ZHX3: variants seen among roughly 807,000 people sequenced by gnomAD.
ZHX3 encodes the protein zinc fingers and homeoboxes 3.
Under a neutral mutation model 64.5 loss-of-function variants are expected in ZHX3, and 20 were observed. The ratio of observed to expected loss-of-function variants is 0.31; its 90% CI spans 0.22 to 0.45. ZHX3 has a LOEUF of 0.45. Ranked by LOEUF, ZHX3 falls within the 20% of genes least tolerant of loss-of-function variation. The pLI is 1.00. For synonymous variants in ZHX3, 423 were observed against 461.6 expected (o/e 0.92, Z 1.07); for missense variants, 1,041 against 1,195.8 (o/e 0.87, Z 1.91).
chr20:41,296,598 T>C (rs2044542051), intron 1 of ZHX3, among the ~76,000 whole-genome samples: 1 of 152,202 alleles, frequency 6.6e-6, no homozygotes, highest in African/African-American at 2.4e-5. Context: ...CTGCCCATTC[T>C]AAAACTACAG....
intron 2 of ZHX3, among the ~76,000 whole-genome samples, chr20:41,235,975 T>C (rs1382698690): frequency 2.0e-5 from 3 of 151,894 alleles, no homozygotes; most frequent in Admixed American, 1.3e-4. Flanking sequence ...GATACACCAA[T>C]AACAGACAAA....
In ZHX3 at chr20:41,201,118, C is replaced by T. The variant is rs1299590108; in HGVS notation, c.2860+939G>A. Among the ~76,000 whole-genome samples, 1 of 152,228 alleles carries T rather than the reference C, an allele frequency of 6.6e-6. No individual in the cohort carries two copies. Among genetic ancestry groups the T allele is most frequent in the Non-Finnish European group, 1.5e-5 (1 of 68,040 alleles). On this transcript the variant is annotated intron_variant, in intron 3 of 3. Transcript: ENST00000683867. The surrounding 1 kb of genome is among the most constrained non-coding windows in gnomAD (Gnocchi z 5.0). Reference sequence around the variant, plus strand: ...ATGAGGTACCAAACACAAGGCCCCACACTGAGGCAGCTCATGCCAAAGTCA... The same window carrying T: ...ATGAGGTACCAAACACAAGGCCCCATACTGAGGCAGCTCATGCCAAAGTCA...
chr20:41,303,534 A>T (rs1412454089), intron 1 of ZHX3, among the ~76,000 whole-genome samples: 2 of 152,248 alleles, frequency 1.3e-5, no homozygotes, highest in Non-Finnish European at 2.9e-5. Flanking sequence ...ACAAAAAAAT[A>T]GAAGCTTTTA....
At chr20:41,191,435 A>G (rs1225580812) in intron 3 of ZHX3, among the ~76,000 whole-genome samples, 1 of 151,948 alleles carries the variant, frequency 6.6e-6, no homozygotes, top group African/African-American at 2.4e-5. Flanking sequence ...TCTTTTTCAC[A>G]TTCTCTTACA....
intron 3 of ZHX3, chr20:41,196,502 T>A (rs1214638956): frequency 7.1e-5 from 1 of 14,002 alleles, no homozygotes; most frequent in Non-Finnish European, 1.5e-4. Flanking sequence ...ATATTATATA[T>A]TATAAATATA....
At chr20:41,316,585 G>A (rs931057215) in intron 1 of ZHX3, among the ~76,000 whole-genome samples, 1 of 152,146 alleles carries the variant, frequency 6.6e-6, no homozygotes, top group African/African-American at 2.4e-5. Flanking sequence ...AGGATATCTG[G>A]ATAAATATAT....
chr20:41,202,535 A>G lies in ZHX3; in HGVS notation c.2382T>C (p.Tyr794=), dbSNP rs1381594035. 1 of 1,614,170 alleles carries G rather than the reference A, an allele frequency of 6.2e-7. No homozygotes were observed. Among genetic ancestry groups the G allele is most frequent in the Non-Finnish European group, 8.5e-7 (1 of 1,180,036 alleles). ...GACCCGTCTGGGCCATGATGGAGTC[A>G]TAGTCCTGGTTGCTTGGCCACTGTG... ...VQTQWPSNQD[Y]DSIMAQTGLP... The change falls in exon 3 of 4, where the codon TAT becomes TAC. Residue 794 remains tyrosine, a synonymous_variant. Transcript: ENST00000683867. The surrounding 1 kb of genome is among the most constrained non-coding windows in gnomAD (Gnocchi z 7.0).
chr20:41,249,250 T>A (rs908912787), intron 2 of ZHX3, among the ~76,000 whole-genome samples: 2 of 151,148 alleles, frequency 1.3e-5, no homozygotes, highest in Non-Finnish European at 3.0e-5. Context: ...AAAAAAAAAA[T>A]CTCATAGTTA....
At chr20:41,297,946 T>C (rs2044619526) in intron 1 of ZHX3, among the ~76,000 whole-genome samples, 1 of 152,152 alleles carries the variant, frequency 6.6e-6, no homozygotes, top group Admixed American at 6.5e-5. Flanking sequence ...ACTGAAGAAC[T>C]CACAGAAGTT....
At position 41,190,533 on chromosome 20, in the gene ZHX3, A is replaced by T. The variant is rs56823478; in HGVS notation, c.2861-5332T>A. 4.0e-3 allele frequency among the ~76,000 whole-genome samples: 606 copies of T among 151,248 alleles called. 7 individuals carry two copies. The highest frequency in any genetic ancestry group is 0.022 in the East Asian group (115 of 5,128). On this transcript the variant is annotated intron_variant, in intron 3 of 3. Transcript: ENST00000683867. ...CTGTTGTTTTCTAGTTGTTTTATAT[A>T]TTTTTTTCCTTTTTCTTTTGTTTGG...
At chr20:41,259,842 T>A (rs1469746098) in intron 2 of ZHX3, among the ~76,000 whole-genome samples, 5 of 152,176 alleles carry the variant, frequency 3.3e-5, no homozygotes, top group African/African-American at 1.2e-4. Context: ...TTTGAACTTT[T>A]TACAAAGAGT....
At chr20:41,259,277 G>A (rs1056567721) in intron 2 of ZHX3, among the ~76,000 whole-genome samples, 8 of 152,144 alleles carry the variant, frequency 5.3e-5, no homozygotes, top group Non-Finnish European at 1.2e-4. Flanking sequence ...CTCAGAAAAT[G>A]CACAATATAT....
intron 1 of ZHX3, among the ~76,000 whole-genome samples, chr20:41,303,833 T>C (rs140183403): frequency 5.1e-4 from 77 of 152,246 alleles, no homozygotes; most frequent in African/African-American, 1.8e-3. Context: ...GGGAAGCCCA[T>C]AGCCCCCTCT....
At chr20:41,282,380 T>TTTTTTTTTG (rs1345180313) in intron 1 of ZHX3, among the ~76,000 whole-genome samples, 1 of 147,346 alleles carries the variant, frequency 6.8e-6, no homozygotes, top group Non-Finnish European at 1.5e-5. Context: ...TTTTTTTTTT[T>TTTTTTTTTG]GCGAAGTCTA....
At chr20:41,240,100 G>A (rs1034425993) in intron 2 of ZHX3, among the ~76,000 whole-genome samples, 3 of 152,016 alleles carry the variant, frequency 2.0e-5, no homozygotes, top group African/African-American at 2.4e-5. Flanking sequence ...AGGTTTAAGC[G>A]ATTCTCCTGC....
intron 2 of ZHX3, among the ~76,000 whole-genome samples, chr20:41,251,124 G>A (rs565717530): frequency 6.6e-6 from 1 of 151,616 alleles, no homozygotes; most frequent in South Asian, 2.1e-4. Context: ...CATCAAAAGG[G>A]AACAGAAAAC....
At chr20:41,312,160 C>A (rs114118183) in intron 1 of ZHX3, among the ~76,000 whole-genome samples, 10,738 of 152,174 alleles carry the variant, frequency 0.071, 407 homozygotes, top group Middle Eastern at 0.17. Context: ...CACTCTGTAG[C>A]CAGGATTGTA....
rs1162346945 is a variant in ZHX3, at chr20:41,257,911, C to CT, written c.-151+11078dup. On this transcript the variant is annotated intron_variant, in intron 2 of 3. Coordinates refer to ENST00000683867, the MANE Select transcript of ZHX3 (RefSeq NM_001384317.1). Reference sequence around the variant, plus strand: ...CAGGTGTTAGCCACCACGCCCAACCCTTTTTTTTTTTGAGACGGAGTTTTG... The same window carrying CT: ...CAGGTGTTAGCCACCACGCCCAACCCTTTTTTTTTTTTGAGACGGAGTTTTG... Among the ~76,000 whole-genome samples, 525 of 132,914 alleles carry CT rather than the reference C, an allele frequency of 3.9e-3. 26 individuals carry two copies. Among genetic ancestry groups the CT allele is most frequent in the South Asian group, 0.018 (77 of 4,232 alleles). The allele number at this position is 132,914 out of a possible 152,430, so 87.2% of individuals were successfully genotyped here.
In ZHX3 at chr20:41,181,450, GCTCTC is replaced by G. The variant is rs1280877837; in HGVS notation, c.*3736_*3740del. Reference sequence around the variant, plus strand: ...GGTTTTAAAATTTTCTTCTTGGCTGGCTCTCCTCTCCTGCAAGTTGCCTTTATCCA... The same window carrying G: ...GGTTTTAAAATTTTCTTCTTGGCTGGCTCTCCTGCAAGTTGCCTTTATCCA... On this transcript the variant is annotated 3_prime_UTR_variant, in exon 4 of 4. Coordinates refer to ENST00000683867, the MANE Select transcript of ZHX3 (RefSeq NM_001384317.1). 6.6e-6 allele frequency: 1 copy of G among 152,094 alleles called. No individual in the cohort carries two copies. 9.4% of individuals were successfully genotyped at this position (152,094 alleles called of 1,614,324 possible).
Sources: allele counts gnomAD v4.1 joint callset (sites outside exome capture counted in the v4.1 genomes callset), GRCh38; gene constraint gnomAD v4.1.1; non-coding constraint Gnocchi (gnomAD v3.1); transcripts MANE v1.5; gene names NCBI Gene and HGNC (gene_info 2026-07-23, HGNC 2026-07-21).